ELK4: variants seen among roughly 807,000 people sequenced by gnomAD.
The protein encoded by ELK4 is ETS domain-containing protein Elk-4.
In ELK4, 16 loss-of-function variants were observed where a neutral mutation model predicts 29.6. That is an observed-to-expected ratio of 0.54 (90% CI 0.37 to 0.82). The LOEUF (loss-of-function observed/expected upper bound fraction) is 0.82, where lower values mean the gene tolerates loss of function less well. Ranked by LOEUF, ELK4 falls within the 40% of genes least tolerant of loss-of-function variation. The pLI is 0.00. For synonymous variants in ELK4, 213 were observed against 191.1 expected, an observed-to-expected ratio of 1.11 and a Z score of -0.95; for missense variants, 465 against 507.1, an observed-to-expected ratio of 0.92 and a Z score of 0.80.
At chr1:205,623,075 T>C (rs1428583938) in intron 2 of ELK4, among the ~76,000 whole-genome samples, 2 of 150,854 alleles carry the variant, frequency 1.3e-5, no homozygotes, top group Non-Finnish European at 2.9e-5. Context: ...GGAGAATAGC[T>C]TGAACCCTGG....
chr1:205,615,852 T>C lies in ELK4; in HGVS notation c.*694A>G, dbSNP rs1159455958. The stretch of plus-strand genomic sequence containing the variant: ...GTCTAAAAATCTTTCTATAGTGAAA[T>C]AGACTAGCTCCATGCTCTGTTGACA... On this transcript the variant is annotated 3_prime_UTR_variant, in exon 5 of 5. Coordinates refer to ENST00000357992, the MANE Select transcript of ELK4 (RefSeq NM_001973.4). The C allele has an allele frequency of 9.4e-6, 2 of 212,266 alleles. No individual in the cohort carries two copies. Among genetic ancestry groups the C allele is most frequent in the Non-Finnish European group, 1.9e-5 (2 of 104,854 alleles). The allele number at this position is 212,266 out of a possible 1,614,324, so 13.1% of individuals were successfully genotyped here.
intron 3 of ELK4, 76 bp from the exon 4 acceptor site, chr1:205,619,149 C>G: frequency 7.7e-7 from 1 of 1,299,138 alleles, no homozygotes; most frequent in South Asian, 1.8e-5. Flanking sequence ...ACACAAATAA[C>G]CCAAACCTAA....
chr1:205,619,048 G>T lies in ELK4; in HGVS notation c.1106C>A (p.Pro369His). The T allele has an allele frequency of 6.2e-7, 1 of 1,604,040 alleles. No individual in the cohort carries two copies. Among genetic ancestry groups the T allele is most frequent in the East Asian group, 2.2e-5 (1 of 44,616 alleles). ...CCAGAAGTGGATACTGGAGAGCAAG[G>T]GGCTTGGAGTCAGTATGATGGGTGT... Reference protein sequence around the residue: ...SQTPIILTPSPLLSSIHFWST... With the variant: ...SQTPIILTPSHLLSSIHFWST... The change falls in exon 4 of 5, where the codon CCC becomes CAC. Residue 369 changes from proline (P) to histidine (H), a missense_variant. Pro to His is a moderately conservative substitution (Grantham distance 77). This residue lies in a region of ELK4 where 80 missense variants were observed against 119.6 expected (regional missense o/e 0.67). Coordinates refer to ENST00000357992, the MANE Select transcript of ELK4 (RefSeq NM_001973.4).
At chr1:205,617,070 T>A (rs1208229006) in intron 4 of ELK4, among the ~76,000 whole-genome samples, 2 of 152,146 alleles carry the variant, frequency 1.3e-5, no homozygotes, top group Non-Finnish European at 2.9e-5. Flanking sequence ...TAGAAAAGGG[T>A]TCCCCATCAA....
At position 205,611,558 on chromosome 1, in the gene ELK4, A is replaced by C; in HGVS notation, c.*4988T>G. On this transcript the variant is annotated 3_prime_UTR_variant, in exon 5 of 5. Coordinates refer to ENST00000357992, the MANE Select transcript of ELK4 (RefSeq NM_001973.4). ...TCCACAGAACCCAGTCTCTGGTTAGAGTACCTGCTGAAGAAAGACAACTAT... is the reference window on the plus strand; with the variant it reads ...TCCACAGAACCCAGTCTCTGGTTAGCGTACCTGCTGAAGAAAGACAACTAT... 1 of 205,890 alleles carries C rather than the reference A, an allele frequency of 4.9e-6. No individual in the cohort carries two copies. Among genetic ancestry groups the C allele is most frequent in the East Asian group, 7.4e-5 (1 of 13,540 alleles). The allele number at this position is 205,890 out of a possible 1,614,324, so 12.8% of individuals were successfully genotyped here. A position where few individuals can be genotyped will look rare whatever the true frequency, so the allele number is the denominator to read the frequency against.
rs1323719022 is a variant in ELK4 at position 205,614,985 on chromosome 1, T to C, written c.*1561A>G. On this transcript the variant is annotated 3_prime_UTR_variant, in exon 5 of 5. Transcript: ENST00000357992. The stretch of plus-strand genomic sequence containing the variant: ...TCTGTACCTGGCATTGATTACCATA[T>C]AGTAATATTTTAAAAATTTGGTAAT... 4.8e-6 allele frequency: 1 copy of C among 210,152 alleles called. No individual in the cohort carries two copies. The highest frequency in any genetic ancestry group is 2.3e-5 in the African/African-American group (1 of 43,964). 13.0% of individuals were successfully genotyped at this position (210,152 alleles called of 1,614,324 possible).
rs765720756 is a variant in ELK4 at position 205,619,954 on chromosome 1, C to A, written c.1080+12G>T. On this transcript the variant is annotated intron_variant, in intron 3 of 4. Transcript: ENST00000357992. ...AAAGCAATGGTGACACCATAAAGAG[C>A]GAGCAAGCTACCTGTGAAAAAAATG... 1.9e-6 allele frequency: 3 copies of A among 1,613,982 alleles called. No individual in the cohort carries two copies. The African/African-American group carries it at 4.0e-5, about 22-fold the overall frequency.
chr1:205,626,675 G>A (rs1670470702), intron 1 of ELK4, among the ~76,000 whole-genome samples: 1 of 152,136 alleles, frequency 6.6e-6, no homozygotes, highest in Non-Finnish European at 1.5e-5. Flanking sequence ...AAGACAGACA[G>A]ACAATAACAA....
chr1:205,608,437 C>A lies in ELK4; in HGVS notation c.*8109G>T. On this transcript the variant is annotated 3_prime_UTR_variant, in exon 5 of 5. Coordinates refer to ENST00000357992, the MANE Select transcript of ELK4 (RefSeq NM_001973.4). ...CCTAATCAATCTTAGAGCAATATCCCTTTGTTTCCCAACAGGTAAGTCAGA... is the reference window on the plus strand; with the variant it reads ...CCTAATCAATCTTAGAGCAATATCCATTTGTTTCCCAACAGGTAAGTCAGA... 1 of 197,384 alleles carries A rather than the reference C, an allele frequency of 5.1e-6. No individual in the cohort carries two copies. Among genetic ancestry groups the A allele is most frequent in the African/African-American group, 2.3e-5 (1 of 43,486 alleles). The allele number at this position is 197,384 out of a possible 1,614,324, so 12.2% of individuals were successfully genotyped here. A position where few individuals can be genotyped will look rare whatever the true frequency, so the allele number is the denominator to read the frequency against.
At chr1:205,625,262 G>A (rs1670429560) in intron 1 of ELK4, among the ~76,000 whole-genome samples, 1 of 149,364 alleles carries the variant, frequency 6.7e-6, no homozygotes, top group South Asian at 2.1e-4. Flanking sequence ...AAGGGAGCCT[G>A]CATCCAAAAT....
intron 3 of ELK4, chr1:205,619,613 T>A: frequency 7.7e-7 from 1 of 1,297,588 alleles, no homozygotes; most frequent in Non-Finnish European, 9.7e-7. Flanking sequence ...TCTCAGGACC[T>A]ACTGTTTTCT....
Position 205,620,418 on chromosome 1 carries a change from T to C in ELK4, c.628A>G (p.Ile210Val), listed in dbSNP as rs530184062. 183 of 1,614,122 alleles carry C rather than the reference T, an allele frequency of 1.1e-4. No homozygotes were observed. In the East Asian group the frequency reaches 3.5e-3, roughly 31 times the overall value. The change falls in exon 3 of 5, where the codon ATT (isoleucine) becomes GTT (valine). Residue 210 changes from isoleucine (I) to valine (V), a missense_variant. Ile to Val is a conservative substitution (Grantham distance 29). Coordinates refer to ENST00000357992, the MANE Select transcript of ELK4 (RefSeq NM_001973.4). Reference protein sequence around the residue: ...PVEPVAATISIGPSISPSSEE... With the variant: ...PVEPVAATISVGPSISPSSEE... ...GAAGATGGAGAAATACTTGGGCCAA[T>C]TGAAATGGTGGCAGCAACAGGTTCA...
chr1:205,616,755 C>A (rs1268403273), intron 4 of ELK4, 111 bp from the exon 5 acceptor site: 1 of 822,862 alleles, frequency 1.2e-6, no homozygotes, highest in African/African-American at 1.7e-5. Context: ...TAATGGCTCA[C>A]AGGACAAAGG....
chr1:205,616,342 T>C lies in ELK4; in HGVS notation c.*204A>G. 1.1e-5 allele frequency: 5 copies of C among 454,124 alleles called. No homozygotes were observed. The highest frequency in any genetic ancestry group is 2.0e-5 in the Non-Finnish European group (5 of 251,486). 28.1% of individuals were successfully genotyped at this position (454,124 alleles called of 1,614,324 possible). A position where few individuals can be genotyped will look rare whatever the true frequency, so the allele number is the denominator to read the frequency against. On this transcript the variant is annotated 3_prime_UTR_variant, in exon 5 of 5. Coordinates refer to ENST00000357992, the MANE Select transcript of ELK4 (RefSeq NM_001973.4). ...AGACAGAGGGAGGTGGAGTTTAGACTCCAATTAAGGCATTTTTATACATAT... is the reference window on the plus strand; with the variant it reads ...AGACAGAGGGAGGTGGAGTTTAGACCCCAATTAAGGCATTTTTATACATAT...
Position 205,616,217 on chromosome 1 carries a change from C to T in ELK4, c.*329G>A. The T allele has an allele frequency of 3.6e-6, 1 of 273,994 alleles. No homozygotes were observed. 17.0% of individuals were successfully genotyped at this position (273,994 alleles called of 1,614,324 possible). Reference sequence around the variant, plus strand: ...TTTGTTCTTAATTGCTTTTGCAAAGCACAGTCACTAAAGCCCACCAAAAAC... The same window carrying T: ...TTTGTTCTTAATTGCTTTTGCAAAGTACAGTCACTAAAGCCCACCAAAAAC... On this transcript the variant is annotated 3_prime_UTR_variant, in exon 5 of 5. Coordinates refer to ENST00000357992, the MANE Select transcript of ELK4 (RefSeq NM_001973.4).
chr1:205,615,842 T>C lies in ELK4; in HGVS notation c.*704A>G, dbSNP rs531123924. On this transcript the variant is annotated 3_prime_UTR_variant, in exon 5 of 5. Transcript: ENST00000357992. ...TAAACCCCAGGTCTAAAAATCTTTC[T>C]ATAGTGAAATAGACTAGCTCCATGC... is the stretch of plus-strand genomic sequence containing the variant. 5 of 211,660 alleles carry C rather than the reference T, an allele frequency of 2.4e-5. No individual in the cohort carries two copies. Among genetic ancestry groups the C allele is most frequent in the African/African-American group, 9.0e-5 (4 of 44,240 alleles). 13.1% of individuals were successfully genotyped at this position (211,660 alleles called of 1,614,324 possible). A position where few individuals can be genotyped will look rare whatever the true frequency, so the allele number is the denominator to read the frequency against.
At position 205,620,803 on chromosome 1, in the gene ELK4, C is replaced by G. The variant is rs1322618654; in HGVS notation, c.243G>C (p.Val81=). The G allele has an allele frequency of 9.9e-6, 16 of 1,612,848 alleles. No homozygotes were observed. The highest frequency in any genetic ancestry group is 1.4e-5 in the Non-Finnish European group (16 of 1,179,844). ...TCTCTGGATAAGAGACAAACTTGTA[C>G]ACAAACTTCTGACCATTCACTTTTT... is the stretch of plus-strand genomic sequence containing the variant. The part of the protein sequence containing the change: ...IIKKVNGQKF[V]YKFVSYPEIL... The change falls in exon 3 of 5, where the codon GTG becomes GTC. Residue 81 remains valine, a synonymous_variant. Coordinates refer to ENST00000357992, the MANE Select transcript of ELK4 (RefSeq NM_001973.4).
Position 205,619,952 on chromosome 1 carries a change from A to T in ELK4, c.1080+14T>A. The T allele has an allele frequency of 6.2e-7, 1 of 1,614,224 alleles. No individual in the cohort carries two copies. The highest frequency in any genetic ancestry group is 8.5e-7 in the Non-Finnish European group (1 of 1,180,040). ...TGAAAGCAATGGTGACACCATAAAG[A>T]GCGAGCAAGCTACCTGTGAAAAAAA... On this transcript the variant is annotated intron_variant, in intron 3 of 4. Transcript: ENST00000357992.
intron 1 of ELK4, among the ~76,000 whole-genome samples, chr1:205,627,204 G>A (rs1033416730): frequency 2.6e-5 from 4 of 152,030 alleles, no homozygotes; most frequent in African/African-American, 4.8e-5. Flanking sequence ...TTCTTTTGGG[G>A]GTGATGAAAA....
Sources: allele counts gnomAD v4.1 joint callset (sites outside exome capture counted in the v4.1 genomes callset), GRCh38; gene constraint gnomAD v4.1.1; regional missense constraint gnomAD v4.1.1; transcripts MANE v1.5; gene names NCBI Gene and HGNC (gene_info 2026-07-23, HGNC 2026-07-21).